RP1: variants seen among roughly 807,000 people sequenced by gnomAD.
The protein encoded by RP1 is RP1 axonemal microtubule associated, also known as oxygen-regulated protein 1.
In RP1, 16 loss-of-function variants were observed where a neutral mutation model predicts 14.8. The ratio of observed to expected loss-of-function variants is 1.08; its 90% CI spans 0.73 to 1.65. The LOEUF (loss-of-function observed/expected upper bound fraction) is 1.65, where lower values mean the gene tolerates loss of function less well. Ranked by LOEUF, RP1 falls within the 40% of genes most tolerant of loss-of-function variation. RP1 has a pLI of 0.00. For missense variants in RP1, 2,631 were observed against 2,535.0 expected (o/e 1.04, Z -0.81); for synonymous variants, 876 against 883.6 (o/e 0.99, Z 0.15).
At chr8:54,673,989 T>G in intron 8 of RP1, 2 of 1,287,814 alleles carry the variant, frequency 1.6e-6, no homozygotes, top group Non-Finnish European at 2.2e-6. Flanking sequence ...TATGAAACTC[T>G]GTTCAAATCT....
At chr8:54,741,938 T>C in intron 19 of RP1, among the ~76,000 whole-genome samples, 1 of 151,612 alleles carries the variant, frequency 6.6e-6, no homozygotes, top group East Asian at 1.9e-4. Context: ...TTCTGCCTAA[T>C]AGCAGCTCTT....
intron 25 of RP1, among the ~76,000 whole-genome samples, chr8:54,851,972 C>T (rs139798968): frequency 2.3e-3 from 349 of 152,246 alleles, no homozygotes; most frequent in African/African-American, 8.1e-3. Flanking sequence ...CAAGAACAAT[C>T]GCTTTTCTAA....
At chr8:54,846,295 T>C (rs1036261654) in intron 25 of RP1, among the ~76,000 whole-genome samples, 3 of 152,264 alleles carry the variant, frequency 2.0e-5, no homozygotes, top group Non-Finnish European at 2.9e-5. Flanking sequence ...TCCAGGTTAC[T>C]GCTATATCTG....
rs1807233493 is a variant in RP1, at chr8:54,673,767, A to G, written c.1324-83A>G. The G allele has an allele frequency of 2.5e-6, 3 of 1,205,904 alleles. No homozygotes were observed. The Admixed American group carries it at 6.3e-5, about 26-fold the overall frequency. The allele number at this position is 1,205,904 out of a possible 1,614,324, so 74.7% of individuals were successfully genotyped here. ...AACAACAACAACAACAACAACAACAACAAACACTGCATCTTAATTTATACT... is the reference window on the plus strand; with the variant it reads ...AACAACAACAACAACAACAACAACAGCAAACACTGCATCTTAATTTATACT... On this transcript the variant is annotated intron_variant, in intron 7 of 22. Coordinates refer to the RP1 transcript ENST00000636932.
intron 24 of RP1, among the ~76,000 whole-genome samples, chr8:54,785,506 T>C (rs1810296448): frequency 6.6e-6 from 1 of 150,920 alleles, no homozygotes; most frequent in Non-Finnish European, 1.5e-5. Flanking sequence ...TGTGAACATG[T>C]TATTGTTTCA....
downstream of RP1, among the ~76,000 whole-genome samples, chr8:54,774,816 A>AAAAGCCT (rs1809994259): frequency 6.6e-6 from 1 of 152,176 alleles, no homozygotes. Context: ...CATCACCATC[A>AAAAGCCT]AAAGCCTACT....
At position 54,863,846 on chromosome 8, in the gene RP1, T is replaced by C. The variant is rs566384557; in HGVS notation, c.4070-1989T>C. ...TCACTATGTGGATAACAGATGCACA[T>C]TCTCATCAGCAACCAGTCACATCAC... On this transcript the variant is annotated intron_variant, in intron 27 of 28. Transcript: ENST00000637698. Among the ~76,000 whole-genome samples, 7 of 152,312 alleles carry C rather than the reference T, an allele frequency of 4.6e-5. No homozygotes were observed. In the South Asian group the frequency reaches 1.5e-3, roughly 32 times the overall value.
At chr8:54,803,365 T>C (rs1368572283) in intron 24 of RP1, among the ~76,000 whole-genome samples, 1 of 152,148 alleles carries the variant, frequency 6.6e-6, no homozygotes, top group Admixed American at 6.5e-5. Context: ...GGAAAAATGA[T>C]GAACACTACC....
intron 12 of RP1, among the ~76,000 whole-genome samples, chr8:54,684,154 G>A (rs1807499652): frequency 6.6e-6 from 1 of 152,042 alleles, no homozygotes; most frequent in Admixed American, 6.6e-5. Flanking sequence ...GCATCCCAGG[G>A]ACGACGCCAA....
chr8:54,597,374 A>T (rs1465115595), intron 1 of RP1, among the ~76,000 whole-genome samples: 1 of 152,022 alleles, frequency 6.6e-6, no homozygotes, highest in Non-Finnish European at 1.5e-5. Flanking sequence ...AAGACATTTT[A>T]TTATTATTAT....
rs540400296 is a variant in RP1 at position 54,869,765 on chromosome 8, T to A, written c.4152-78T>A. On this transcript the variant is annotated intron_variant, in intron 28 of 28. Transcript: ENST00000637698. ...GGCCTCTTTAAATTCTTTCCATATG[T>A]TTTTTTTTCCTTTCTAACTAATGAG... 5.1e-5 allele frequency: 26 copies of A among 512,110 alleles called. No individual in the cohort carries two copies. The South Asian group carries it at 2.4e-3, about 46-fold the overall frequency. The allele number at this position is 512,110 out of a possible 1,614,324, so 31.7% of individuals were successfully genotyped here.
chr8:54,714,398 A>G (rs1362004770), intron 15 of RP1, among the ~76,000 whole-genome samples: 2 of 152,202 alleles, frequency 1.3e-5, no homozygotes, highest in Non-Finnish European at 2.9e-5. Flanking sequence ...TCCTATGGAT[A>G]ACATCACTAT....
chr8:54,733,232 C>A (rs534171413), intron 17 of RP1, among the ~76,000 whole-genome samples: 123 of 152,144 alleles, frequency 8.1e-4, no homozygotes, highest in Non-Finnish European at 8.2e-4. Flanking sequence ...TGCTTCTTTT[C>A]CTCTTCTTAA....
intron 25 of RP1, among the ~76,000 whole-genome samples, chr8:54,852,179 A>T (rs1812073325): frequency 6.6e-6 from 1 of 152,130 alleles, no homozygotes; most frequent in African/African-American, 2.4e-5. Context: ...TCCAAGAAGT[A>T]GCAGCATGAG....
At chr8:54,853,357 A>G (rs1252480506) in intron 26 of RP1, among the ~76,000 whole-genome samples, 1 of 152,148 alleles carries the variant, frequency 6.6e-6, no homozygotes, top group Non-Finnish European at 1.5e-5. Context: ...GCAGAGAGAG[A>G]GAGAGACGTA....
downstream of RP1, among the ~76,000 whole-genome samples, chr8:54,633,369 A>G (rs1021513168): frequency 6.6e-6 from 1 of 152,170 alleles, no homozygotes; most frequent in African/African-American, 2.4e-5. Flanking sequence ...CTATTGGTTC[A>G]GTGGATAGGG....
chr8:54,747,377 C>T (rs1307179630), intron 19 of RP1, among the ~76,000 whole-genome samples: 1 of 152,156 alleles, frequency 6.6e-6, no homozygotes, highest in African/African-American at 2.4e-5. Flanking sequence ...TGCTCTTGAT[C>T]ACATCAGCAT....
At chr8:54,783,457 A>G (rs1810238381) in intron 23 of RP1, 2 of 601,872 alleles carry the variant, frequency 3.3e-6, no homozygotes, top group Non-Finnish European at 2.4e-6. Context: ...TCATTTCATA[A>G]CCAAGTAGAT....
intron 24 of RP1, among the ~76,000 whole-genome samples, chr8:54,802,481 A>C (rs1810736630): frequency 6.6e-6 from 1 of 152,234 alleles, no homozygotes. Flanking sequence ...TTTGGAGTGA[A>C]GAGACCAGAA....
Sources: gnomAD v4.1 joint callset for allele counts (sites outside exome capture counted in the v4.1 genomes callset) on GRCh38, gnomAD v4.1.1 for gene constraint, MANE v1.5 for transcripts, NCBI Gene and HGNC (gene_info 2026-07-23, HGNC 2026-07-21) for gene names.